The following NCKAP5 variants were observed in gnomAD, a reference collection of about 807,000 sequenced individuals.
NCKAP5 encodes the protein NCK associated protein 5.
In NCKAP5, 92 loss-of-function variants were observed where a neutral mutation model predicts 167.0. That is an observed-to-expected ratio of 0.55 (90% confidence interval 0.47 to 0.66). The LOEUF is 0.66. Among genes scored for constraint, NCKAP5 ranks in the 30% least tolerant of loss-of-function variants. The pLI is 0.00. For missense variants in NCKAP5, 2,378 were observed against 2,315.0 expected, an observed-to-expected ratio of 1.03 and a Z score of -0.56; for synonymous variants, 891 against 877.4, an observed-to-expected ratio of 1.02 and a Z score of -0.27.
chr2:132,763,924 T>A lies in NCKAP5; in HGVS notation c.5128+9892A>T, dbSNP rs182053607. On this transcript the variant is annotated intron_variant, in intron 16 of 19. Transcript: ENST00000409261. Reference sequence around the variant, plus strand: ...CATAGTTTGCAGACAATGCTCGATATAGGCTTGTTGAACTAAATAGAATTT... The same window carrying A: ...CATAGTTTGCAGACAATGCTCGATAAAGGCTTGTTGAACTAAATAGAATTT... Among the ~76,000 whole-genome samples, 236 of 152,308 alleles carry A rather than the reference T, an allele frequency of 1.5e-3. 1 individual carries two copies. The highest frequency in any genetic ancestry group is 0.014 in the Admixed American group (211 of 15,296).
chr2:133,475,044 C>T (rs1046695243), intron 3 of NCKAP5, among the ~76,000 whole-genome samples: 1 of 152,050 alleles, frequency 6.6e-6, no homozygotes, highest in African/African-American at 2.4e-5. Flanking sequence ...CTCCTGACCT[C>T]GTGATCCGCC....
chr2:133,591,165 T>A, the NCKAP5 span, among the ~76,000 whole-genome samples: 6 of 152,166 alleles, frequency 3.9e-5, no homozygotes, highest in Non-Finnish European at 8.8e-5. Flanking sequence ...CTACCACCCT[T>A]GGAAAATAAA....
intron 4 of NCKAP5, among the ~76,000 whole-genome samples, chr2:133,230,791 T>C (rs567316679): frequency 6.6e-6 from 1 of 152,306 alleles, no homozygotes; most frequent in South Asian, 2.1e-4. Flanking sequence ...GTTTCCCATA[T>C]GTAGGAGGCA....
intron 8 of NCKAP5, among the ~76,000 whole-genome samples, chr2:132,958,613 A>AT (rs2076411948): frequency 2.0e-5 from 3 of 152,104 alleles, no homozygotes; most frequent in East Asian, 1.9e-4. Context: ...ATCTTCTTCC[A>AT]TTTTTTAAAT....
intron 3 of NCKAP5, among the ~76,000 whole-genome samples, chr2:133,407,407 G>A (rs1050305592): frequency 2.0e-5 from 3 of 152,180 alleles, no homozygotes; most frequent in South Asian, 2.1e-4. Flanking sequence ...CCAGGCTTCC[G>A]TTTAAAAATA....
At chr2:133,138,932 C>T (rs1284896031) in intron 5 of NCKAP5, among the ~76,000 whole-genome samples, 1 of 152,188 alleles carries the variant, frequency 6.6e-6, no homozygotes. Flanking sequence ...GTGACTAACC[C>T]TCAGTCACAG....
intron 7 of NCKAP5, among the ~76,000 whole-genome samples, chr2:132,964,576 G>C (rs980299426): frequency 6.6e-6 from 1 of 151,756 alleles, no homozygotes; most frequent in African/African-American, 2.4e-5. Flanking sequence ...TGTTTTCAAG[G>C]GAAAAAGAAG....
At chr2:132,998,008 G>A (rs752908123) in intron 6 of NCKAP5, among the ~76,000 whole-genome samples, 4 of 152,138 alleles carry the variant, frequency 2.6e-5, no homozygotes, top group Non-Finnish European at 4.4e-5. Flanking sequence ...GTTCCTGGCA[G>A]GTAAAGGCCT....
chr2:133,570,831 A>C (rs148933041), upstream of NCKAP5, among the ~76,000 whole-genome samples: 97 of 152,282 alleles, frequency 6.4e-4, no homozygotes, highest in African/African-American at 1.9e-3. Context: ...AGAGCTTAGA[A>C]AGCTCTAACC....
At chr2:133,661,742 T>C in the NCKAP5 span, among the ~76,000 whole-genome samples, 46 of 152,154 alleles carry the variant, frequency 3.0e-4, no homozygotes, top group Admixed American at 5.9e-4. Context: ...CATCCCCCCA[T>C]ACCCAAGCCC....
chr2:133,464,897 T>C (rs1052260008), intron 3 of NCKAP5, among the ~76,000 whole-genome samples: 24 of 152,058 alleles, frequency 1.6e-4, no homozygotes, highest in African/African-American at 5.3e-4. Context: ...GGGCTCTCGG[T>C]GAAGCTTGAT....
intron 3 of NCKAP5, among the ~76,000 whole-genome samples, chr2:133,336,397 G>C (rs148133846): frequency 4.6e-5 from 7 of 151,968 alleles, no homozygotes; most frequent in African/African-American, 1.7e-4. Flanking sequence ...TCCTTTAACA[G>C]GCCAAGTGCA....
intron 3 of NCKAP5, among the ~76,000 whole-genome samples, chr2:133,500,209 A>G (rs1211709652): frequency 6.6e-6 from 1 of 152,198 alleles, no homozygotes; most frequent in East Asian, 1.9e-4. Flanking sequence ...TTCTATTAGT[A>G]ATTAATTCAA....
At chr2:133,482,496 G>A (rs1431697224) in intron 3 of NCKAP5, among the ~76,000 whole-genome samples, 25 of 152,140 alleles carry the variant, frequency 1.6e-4, no homozygotes, top group Admixed American at 1.6e-3. Context: ...AGGATTACAG[G>A]TATGAGCCAT....
intron 6 of NCKAP5, among the ~76,000 whole-genome samples, chr2:133,041,483 A>G (rs1456016544): frequency 6.6e-6 from 1 of 152,190 alleles, no homozygotes; most frequent in African/African-American, 2.4e-5. Flanking sequence ...CCTATTACCT[A>G]TACAGATTCA....
the NCKAP5 span, among the ~76,000 whole-genome samples, chr2:133,597,655 CAG>C: frequency 9.7e-6 from 1 of 103,578 alleles, no homozygotes; most frequent in South Asian, 3.3e-4. Flanking sequence ...GCCTGGGAGA[CAG>C]AGCAAGACTC....
chr2:133,257,907 G>C (rs2088703970), intron 4 of NCKAP5, among the ~76,000 whole-genome samples: 1 of 152,070 alleles, frequency 6.6e-6, no homozygotes, highest in South Asian at 2.1e-4. Flanking sequence ...AGTGCACCTG[G>C]GCCACGCAAA....
rs62178920 is a variant in NCKAP5, at chr2:132,960,963, T to C, written c.579+2757A>G. Reference sequence around the variant, plus strand: ...ACGCTGATGGGGTGCTGGTGGTATATTGGTGAGCCTAGCTGCCTTCCAAAA... The same window carrying C: ...ACGCTGATGGGGTGCTGGTGGTATACTGGTGAGCCTAGCTGCCTTCCAAAA... On this transcript the variant is annotated intron_variant, in intron 8 of 19. Transcript: ENST00000409261. 6.8e-3 allele frequency among the ~76,000 whole-genome samples: 1,030 copies of C among 152,308 alleles called. 9 individuals are homozygous for C. The highest frequency in any genetic ancestry group is 0.024 in the South Asian group (116 of 4,824).
the NCKAP5 span, among the ~76,000 whole-genome samples, chr2:133,618,535 C>T: frequency 4.7e-5 from 7 of 148,886 alleles, no homozygotes; most frequent in Non-Finnish European, 1.1e-4. Context: ...ATTTATGCAG[C>T]CAAAAAACAC....
Sources: allele counts gnomAD v4.1 joint callset (sites outside exome capture counted in the v4.1 genomes callset), GRCh38; gene constraint gnomAD v4.1.1; transcripts MANE v1.5; gene names NCBI Gene and HGNC (gene_info 2026-07-23, HGNC 2026-07-21).